Variants in NFX1 observed in about 807,000 individuals in gnomAD.
NFX1 encodes transcriptional repressor NF-X1.
Under a neutral mutation model 137.2 loss-of-function variants are expected in NFX1, and 69 were observed. The observed-to-expected ratio is 0.50, with a 90% CI of 0.41 to 0.61. The LOEUF is 0.61. Ranked by LOEUF, NFX1 falls within the 20% of genes least tolerant of loss-of-function variation. NFX1 has a pLI of 0.00. For synonymous variants in NFX1, 495 were observed against 474.1 expected, an observed-to-expected ratio of 1.04 and a Z score of -0.57; for missense variants, 1,167 against 1,391.0, an observed-to-expected ratio of 0.84 and a Z score of 2.56.
intron 15 of NFX1, 126 bp downstream of exon 15, chr9:33,347,243 A>C (rs1473565804): frequency 1.4e-6 from 1 of 704,304 alleles, no homozygotes; most frequent in African/African-American, 1.8e-5. Context: ...CCATTGCTTA[A>C]AAATTTTTTC....
intron 16 of NFX1, chr9:33,352,420 CAG>C (rs1564143099): frequency 1.6e-6 from 1 of 644,268 alleles, no homozygotes; most frequent in South Asian, 1.5e-5. Context: ...GGATTAAGAA[CAG>C]AGGTGGTTTC....
chr9:33,355,643 T>A (rs900206168), intron 19 of NFX1, among the ~76,000 whole-genome samples: 15 of 15,234 alleles, frequency 9.8e-4, no homozygotes, highest in Middle Eastern at 0.036. Context: ...TAAGAATTCT[T>A]TTTTTTTTTT....
chr9:33,314,508 C>G (rs1822083088), intron 7 of NFX1, among the ~76,000 whole-genome samples: 1 of 151,798 alleles, frequency 6.6e-6, no homozygotes, highest in African/African-American at 2.4e-5. Context: ...GAAACCCTGT[C>G]TCTACTAAAA....
chr9:33,292,966 A>AT (rs1821216379), intron 1 of NFX1, among the ~76,000 whole-genome samples: 1 of 152,052 alleles, frequency 6.6e-6, no homozygotes, highest in African/African-American at 2.4e-5. Context: ...TCCTTTTGTG[A>AT]TTTTGTGAGG....
chr9:33,291,307 A>G (rs1564094593), intron 1 of NFX1, among the ~76,000 whole-genome samples: 1 of 152,214 alleles, frequency 6.6e-6, no homozygotes, highest in Admixed American at 6.5e-5. Context: ...AATATTGTAC[A>G]CTTACATAAA....
At position 33,311,162 on chromosome 9, in the gene NFX1, A is replaced by C. The variant is rs1196048951; in HGVS notation, c.1433A>C (p.Glu478Ala). ...PCPAFMTKTC[E>A]CGRTRHTVRC... ...CCTGCCTTTATGACAAAAACATGTG[A>C]ATGTGGACGAACCAGGTAAAGTTAA... Residue 478 changes from glutamate to alanine, a missense_variant, in exon 6 of 24, where the codon GAA becomes GCA. Coordinates refer to ENST00000379540, the MANE Select transcript of NFX1 (RefSeq NM_002504.6). 1.2e-6 allele frequency: 2 copies of C among 1,613,972 alleles called. No individual in the cohort carries two copies. The highest frequency in any genetic ancestry group is 1.7e-5 in the Admixed American group (1 of 60,008).
At position 33,319,093 on chromosome 9, in the gene NFX1, A is replaced by G; in HGVS notation, c.1872A>G (p.Lys624=). ...TGGACCCTGTGCCTTCATGTGGAAA[A>G]GTGTGCGGCAAGCCTCTGCCTTGTG... is the stretch of plus-strand genomic sequence containing the variant. ...TCMDPVPSCG[K]VCGKPLPCGS... Residue 624 remains lysine (K), a synonymous_variant, in exon 9 of 24, where the codon AAA becomes AAG. Coordinates refer to ENST00000379540, the MANE Select transcript of NFX1 (RefSeq NM_002504.6). 6.2e-7 allele frequency: 1 copy of G among 1,614,228 alleles called. No individual in the cohort carries two copies. Among genetic ancestry groups the G allele is most frequent in the Non-Finnish European group, 8.5e-7 (1 of 1,180,040 alleles).
Position 33,331,457 on chromosome 9 carries a change from C to A in NFX1, c.2005-1015C>A, listed in dbSNP as rs1822803349. 3.3e-5 allele frequency among the ~76,000 whole-genome samples: 5 copies of A among 152,162 alleles called. No homozygotes were observed. In the South Asian group the frequency reaches 1.0e-3, roughly 31 times the overall value. On this transcript the variant is annotated intron_variant, in intron 10 of 23. Coordinates refer to ENST00000379540, the MANE Select transcript of NFX1 (RefSeq NM_002504.6). ...TTTATGGGAGTTCTGCCTTTCCTGA[C>A]AATTGTAGATAACCACTCCTGCATA... is the stretch of plus-strand genomic sequence containing the variant.
At chr9:33,294,015 CA>C (rs1296839495) in intron 1 of NFX1, among the ~76,000 whole-genome samples, 3 of 152,162 alleles carry the variant, frequency 2.0e-5, no homozygotes, top group African/African-American at 7.2e-5. Flanking sequence ...TGGCTTAGTC[CA>C]AAGCCTGTTT....
At chr9:33,299,580 C>G (rs1821477804) in intron 2 of NFX1, among the ~76,000 whole-genome samples, 1 of 152,022 alleles carries the variant, frequency 6.6e-6, no homozygotes, top group Non-Finnish European at 1.5e-5. Flanking sequence ...CCCAGCTACT[C>G]AGGATGCTGA....
At position 33,295,347 on chromosome 9, in the gene NFX1, G is replaced by A. The variant is rs757067103; in HGVS notation, c.953G>A (p.Arg318Gln). 3 of 1,614,128 alleles carry A rather than the reference G, an allele frequency of 1.9e-6. No homozygotes were observed. Among genetic ancestry groups the A allele is most frequent in the South Asian group, 1.1e-5 (1 of 91,088 alleles). Reference protein sequence around the residue: ...RRVDQEKCTVRRQDPQVVSPF... With the variant: ...RRVDQEKCTVQRQDPQVVSPF... ...GTTGACCAAGAGAAATGCACTGTAC[G>A]GAGGCAGGATCCTCAAGTAGTATCT... is the stretch of plus-strand genomic sequence containing the variant. Residue 318 changes from arginine (R) to glutamine (Q), a missense_variant, in exon 2 of 24, where the codon CGG (arginine) becomes CAG (glutamine). Arg to Gln is a conservative substitution (Grantham distance 43). Transcript: ENST00000379540.
rs756509327 is a variant in NFX1 at position 33,319,140 on chromosome 9, C to G, written c.1906+13C>G. On this transcript the variant is annotated intron_variant, in intron 9 of 23. Transcript: ENST00000379540. ...TGTGGTTCCTTAGGTAACTAGTAAGCGTAAAGTTGGCTTTAAAAATATTAT... is the reference window on the plus strand; with the variant it reads ...TGTGGTTCCTTAGGTAACTAGTAAGGGTAAAGTTGGCTTTAAAAATATTAT... 1 of 1,611,156 alleles carries G rather than the reference C, an allele frequency of 6.2e-7. No individual in the cohort carries two copies. Among genetic ancestry groups the G allele is most frequent in the Admixed American group, 1.7e-5 (1 of 59,986 alleles).
In NFX1 at chr9:33,351,736, T is replaced by A; in HGVS notation, c.2601T>A (p.Cys867Ter). The change falls in exon 16 of 24, where the codon TGT becomes TGA. Residue 867 changes from cysteine (C) to a stop codon, truncating the protein, a stop_gained. Transcript: ENST00000379540. LOFTEE classifies it high-confidence loss of function. ...TTPRADCGHPCMAPCHTSSPC... is the reference protein window; with the variant it reads ...TTPRADCGHP Reference sequence around the variant, plus strand: ...CCAGAGCTGACTGTGGTCACCCGTGTATGGCACCCTGCCATACCAGCTCAC... The same window carrying A: ...CCAGAGCTGACTGTGGTCACCCGTGAATGGCACCCTGCCATACCAGCTCAC... 3 of 1,612,112 alleles carry A rather than the reference T, an allele frequency of 1.9e-6. No homozygotes were observed. Among genetic ancestry groups the A allele is most frequent in the Non-Finnish European group, 1.7e-6 (2 of 1,179,066 alleles).
At chr9:33,322,093 C>A (rs910419398) in intron 9 of NFX1, among the ~76,000 whole-genome samples, 6 of 148,616 alleles carry the variant, frequency 4.0e-5, no homozygotes, top group Admixed American at 2.0e-4. Context: ...CCCAGCTACT[C>A]GGGAGGCTGA....
chr9:33,349,211 C>T lies in NFX1; in HGVS notation c.2424+2094C>T, dbSNP rs74451773. Among the ~76,000 whole-genome samples, 167 of 152,244 alleles carry T rather than the reference C, an allele frequency of 1.1e-3. 1 individual carries two copies. Among genetic ancestry groups the T allele is most frequent in the East Asian group, 9.1e-3 (47 of 5,178 alleles). ...TAGGTTTGGGTGCTTTGGAAGTGAA[C>T]GAGACTAACCCTTGCCCTTATGAAG... On this transcript the variant is annotated intron_variant, in intron 15 of 23. Coordinates refer to ENST00000379540, the MANE Select transcript of NFX1 (RefSeq NM_002504.6).
intron 23 of NFX1, among the ~76,000 whole-genome samples, chr9:33,369,622 G>A (rs1461625817): frequency 6.6e-6 from 1 of 152,076 alleles, no homozygotes; most frequent in Non-Finnish European, 1.5e-5. Flanking sequence ...ATGAAATCCT[G>A]TAAATAGATT....
At position 33,294,645 on chromosome 9, in the gene NFX1, A is replaced by G; in HGVS notation, c.251A>G (p.Gln84Arg). The G allele has an allele frequency of 6.2e-7, 1 of 1,614,220 alleles. No individual in the cohort carries two copies. Among genetic ancestry groups the G allele is most frequent in the Non-Finnish European group, 8.5e-7 (1 of 1,180,038 alleles). ...TCAGGAAGCAAACCTAAGAGTCAGC[A>G]GACGTCTTTCCAGTCCTCTCCTTGT... is the stretch of plus-strand genomic sequence containing the variant. ...HPSGSKPKSQ[Q>R]TSFQSSPCNK... Residue 84 changes from glutamine (Q) to arginine (R), a missense_variant, in exon 2 of 24, where the codon CAG (glutamine) becomes CGG (arginine). This residue lies in a region of NFX1 where 367 missense variants were observed against 386.7 expected (regional missense o/e 0.95). Transcript: ENST00000379540.
At chr9:33,342,889 T>C in intron 13 of NFX1, 35 bp downstream of exon 13, 1 of 1,401,152 alleles carries the variant, frequency 7.1e-7, no homozygotes, top group Non-Finnish European at 9.9e-7. Flanking sequence ...ATTAGAAGAG[T>C]TTTTTAGAAA....
At chr9:33,313,514 A>G (rs1435815148) in intron 6 of NFX1, 140 bp from the exon 7 acceptor site, 2 of 678,202 alleles carry the variant, frequency 2.9e-6, no homozygotes, top group Non-Finnish European at 5.1e-6. Context: ...GAGGAGGGAG[A>G]CATAGGAAAA....
Sources: allele counts gnomAD v4.1 joint callset (sites outside exome capture counted in the v4.1 genomes callset), GRCh38; gene constraint gnomAD v4.1.1; regional missense constraint gnomAD v4.1.1; transcripts MANE v1.5; gene names NCBI Gene and HGNC (gene_info 2026-07-23, HGNC 2026-07-21).